NEBL: variants seen among roughly 807,000 people sequenced by gnomAD.
NEBL encodes the protein LIM and SH3 protein 2.
NEBL carries 122 observed loss-of-function variants against 140.2 expected under a neutral mutation model. The ratio of observed to expected loss-of-function variants is 0.87; its 90% confidence interval spans 0.75 to 1.01. The LOEUF is 1.01. NEBL is among the 50% of genes least tolerant of loss of function. The pLI is 0.00. For missense variants in NEBL, 1,365 were observed against 1,231.3 expected, an observed-to-expected ratio of 1.11 and a Z score of -1.62; for synonymous variants, 436 against 398.9, an observed-to-expected ratio of 1.09 and a Z score of -1.11.
At chr10:20,967,769 C>T (rs997577322) in intron 3 of NEBL, among the ~76,000 whole-genome samples, 1 of 152,132 alleles carries the variant, frequency 6.6e-6, no homozygotes, top group Non-Finnish European at 1.5e-5. Context: ...CTAGTTCTTA[C>T]ATTTGATGGC....
chr10:21,248,379 G>A (rs1456009812), intron 2 of NEBL, among the ~76,000 whole-genome samples: 4 of 151,896 alleles, frequency 2.6e-5, no homozygotes, highest in Admixed American at 2.0e-4. Context: ...TTACCTTGCA[G>A]TGAAGAAATG....
intron 25 of NEBL, among the ~76,000 whole-genome samples, chr10:20,808,993 G>A (rs1837879071): frequency 6.6e-6 from 1 of 152,168 alleles, no homozygotes; most frequent in Admixed American, 6.5e-5. Context: ...ACTATCACCA[G>A]ATATATAGTA....
chr10:20,809,972 T>G, intron 24 of NEBL, 74 bp from the exon 25 acceptor site: 2 of 961,772 alleles, frequency 2.1e-6, no homozygotes, highest in East Asian at 2.6e-5. Flanking sequence ...AAAAAGCCAG[T>G]ACCCAAAAGA....
chr10:21,055,807 G>C (rs1045312842), intron 2 of NEBL, among the ~76,000 whole-genome samples: 2 of 152,180 alleles, frequency 1.3e-5, no homozygotes, highest in Non-Finnish European at 2.9e-5. Context: ...TAGCCACCAT[G>C]CCGATGAGGG....
At chr10:21,187,761 A>T (rs1841500315) in intron 3 of NEBL, among the ~76,000 whole-genome samples, 1 of 152,074 alleles carries the variant, frequency 6.6e-6, no homozygotes, top group Non-Finnish European at 1.5e-5. Flanking sequence ...CAATCCTCGC[A>T]CCTCAGCCTC....
chr10:20,907,267 GTATTT>G (rs1051512558), intron 4 of NEBL, among the ~76,000 whole-genome samples: 1 of 152,048 alleles, frequency 6.6e-6, no homozygotes, highest in Non-Finnish European at 1.5e-5. Flanking sequence ...GTGTGGAAAT[GTATTT>G]TATTAAGGGT....
rs893152333 is a variant in NEBL at position 20,826,123 on chromosome 10, G to A, written c.1869+324C>T. On this transcript the variant is annotated intron_variant, in intron 18 of 27. Transcript: ENST00000377122. ...ATTTCTTTCTTCCAACTTGTGGAGA[G>A]GTACTGAAATGTATCCTTTCTCTGC... is the stretch of plus-strand genomic sequence containing the variant. Among the ~76,000 whole-genome samples, 7 of 152,108 alleles carry A rather than the reference G, an allele frequency of 4.6e-5. 1 individual carries two copies. The South Asian group carries it at 8.3e-4, about 18-fold the overall frequency.
At chr10:20,810,313 T>A (rs1838011643) in intron 24 of NEBL, among the ~76,000 whole-genome samples, 1 of 152,100 alleles carries the variant, frequency 6.6e-6, no homozygotes, top group African/African-American at 2.4e-5. Context: ...ATTCAGGACA[T>A]GTGAGTAATT....
At chr10:21,252,096 A>G (rs897932784) in intron 1 of NEBL, among the ~76,000 whole-genome samples, 1 of 152,144 alleles carries the variant, frequency 6.6e-6, no homozygotes, top group African/African-American at 2.4e-5. Flanking sequence ...CCTACTTCTC[A>G]TGTACCTCAT....
chr10:20,940,867 A>T (rs1227957584), intron 4 of NEBL, among the ~76,000 whole-genome samples: 1 of 151,930 alleles, frequency 6.6e-6, no homozygotes, highest in African/African-American at 2.4e-5. Context: ...ACACATACAA[A>T]CTCCCAAGAC....
chr10:21,077,960 C>G (rs1033339163), intron 2 of NEBL, among the ~76,000 whole-genome samples: 1 of 152,144 alleles, frequency 6.6e-6, no homozygotes, highest in Non-Finnish European at 1.5e-5. Flanking sequence ...ATATCAAGTC[C>G]GATGGATACT....
At chr10:21,149,506 G>C (rs2132123070) in intron 2 of NEBL, among the ~76,000 whole-genome samples, 1 of 152,292 alleles carries the variant, frequency 6.6e-6, no homozygotes, top group Non-Finnish European at 1.5e-5. Flanking sequence ...GGCCAGGCTT[G>C]TCTCAAACTC....
chr10:20,921,706 G>A (rs1833588104), intron 4 of NEBL, among the ~76,000 whole-genome samples: 2 of 151,860 alleles, frequency 1.3e-5, no homozygotes, highest in South Asian at 2.1e-4. Context: ...GTTTCCTGCT[G>A]CACCTTAATA....
intron 3 of NEBL, among the ~76,000 whole-genome samples, chr10:21,227,690 TTCTTCTTCTTCTTCTTCTTCTTTCTTC>T (rs1842174444): frequency 5.2e-4 from 48 of 92,370 alleles, no homozygotes; most frequent in African/African-American, 2.2e-3. Flanking sequence ...CTTCTTCTTC[TTCTTCTTCTTCTTCTTCTTCTTTCTTC>T]TTCTTCTTCT....
intron 12 of NEBL, among the ~76,000 whole-genome samples, chr10:20,843,241 C>T (rs571027185): frequency 1.1e-4 from 17 of 152,164 alleles, no homozygotes; most frequent in South Asian, 1.0e-3. Context: ...AGAGGGCCCT[C>T]GCTAAGAATC....
intron 3 of NEBL, among the ~76,000 whole-genome samples, chr10:20,997,251 G>A (rs1384739015): frequency 6.6e-6 from 1 of 151,816 alleles, no homozygotes; most frequent in East Asian, 1.9e-4. Flanking sequence ...AGAGATAATG[G>A]GATCAGCAGG....
intron 2 of NEBL, among the ~76,000 whole-genome samples, chr10:21,113,686 C>T (rs1226054918): frequency 1.3e-5 from 2 of 152,030 alleles, no homozygotes; most frequent in Non-Finnish European, 2.9e-5. Context: ...AAAAATGGAA[C>T]TCCTCCCTTT....
At chr10:20,966,745 T>C (rs1836332991) in intron 3 of NEBL, among the ~76,000 whole-genome samples, 1 of 152,200 alleles carries the variant, frequency 6.6e-6, no homozygotes, top group South Asian at 2.1e-4. Context: ...TATTTACTAA[T>C]GCTGAGATAA....
intron 24 of NEBL, among the ~76,000 whole-genome samples, chr10:20,811,275 G>A (rs1003544114): frequency 6.6e-6 from 1 of 152,012 alleles, no homozygotes; most frequent in South Asian, 2.1e-4. Flanking sequence ...GAGAGCCCAC[G>A]GTCTAGACAG....
Sources: allele counts gnomAD v4.1 joint callset (sites outside exome capture counted in the v4.1 genomes callset), GRCh38; gene constraint gnomAD v4.1.1; transcripts MANE v1.5; gene names NCBI Gene and HGNC (gene_info 2026-07-23, HGNC 2026-07-21).